Variants in ZNF804B observed in about 807,000 individuals in gnomAD.
ZNF804B encodes zinc finger 804B.
Under a neutral mutation model 101.4 loss-of-function variants are expected in ZNF804B, and 80 were observed. The observed-to-expected ratio is 0.79, with a 90% CI of 0.66 to 0.95. The LOEUF is 0.95. ZNF804B is among the 40% of genes least tolerant of loss of function. ZNF804B has a pLI of 0.00. For synonymous variants in ZNF804B, 622 were observed against 558.8 expected (o/e 1.11, Z -1.59); for missense variants, 1,673 against 1,561.9 (o/e 1.07, Z -1.20).
At chr7:89,178,728 C>T (rs1444319414) in intron 1 of ZNF804B, among the ~76,000 whole-genome samples, 3 of 152,022 alleles carry the variant, frequency 2.0e-5, no homozygotes, top group South Asian at 4.2e-4. Flanking sequence ...TTATAATATT[C>T]ATATTTTTCT....
intron 2 of ZNF804B, among the ~76,000 whole-genome samples, chr7:89,319,853 C>T (rs1045645698): frequency 6.6e-6 from 1 of 152,064 alleles, no homozygotes; most frequent in Admixed American, 6.6e-5. Flanking sequence ...TGAGTTAGCC[C>T]AACACTCGTA....
intron 1 of ZNF804B, among the ~76,000 whole-genome samples, chr7:88,893,486 A>T (rs1584001647): frequency 6.6e-6 from 1 of 152,148 alleles, no homozygotes; most frequent in Admixed American, 6.6e-5. Context: ...TTTCAAAAAA[A>T]TACTATATAT....
chr7:88,794,868 G>A, intron 1 of ZNF804B: 1 of 1,612,368 alleles, frequency 6.2e-7, no homozygotes, highest in South Asian at 1.1e-5. Context: ...TGCTACGTGG[G>A]ACTTGGAGAA....
intron 2 of ZNF804B, among the ~76,000 whole-genome samples, chr7:89,306,973 G>T (rs979918106): frequency 1.5e-4 from 23 of 151,878 alleles, no homozygotes; most frequent in Non-Finnish European, 4.4e-5. Context: ...AAATGTAATT[G>T]CTATTGCCAA....
chr7:88,885,849 T>G (rs978918521), intron 1 of ZNF804B, among the ~76,000 whole-genome samples: 6 of 151,936 alleles, frequency 3.9e-5, no homozygotes, highest in Admixed American at 2.6e-4. Flanking sequence ...TTGTGTGCAA[T>G]AAAATAATGC....
Position 89,235,379 on chromosome 7 carries a change from G to A in ZNF804B, c.249+17084G>A, listed in dbSNP as rs375057880. ...AGTCAAAAGCTAAATGGAAGTAAAC[G>A]AAAAGAGAACTTCACACGAAGTAAT... On this transcript the variant is annotated intron_variant, in intron 2 of 3. Coordinates refer to ENST00000333190, the MANE Select transcript of ZNF804B (RefSeq NM_181646.5). Among the ~76,000 whole-genome samples the A allele has an allele frequency of 2.6e-3, 396 of 152,214 alleles. 3 individuals carry two copies. Among genetic ancestry groups the A allele is most frequent in the African/African-American group, 9.2e-3 (381 of 41,546 alleles).
In ZNF804B at chr7:89,334,397, C is replaced by T. The variant is rs1791039004; in HGVS notation, c.1415C>T (p.Ser472Phe). The T allele has an allele frequency of 6.2e-7, 1 of 1,613,668 alleles. No individual in the cohort carries two copies. Among genetic ancestry groups the T allele is most frequent in the Non-Finnish European group, 8.5e-7 (1 of 1,179,846 alleles). Residue 472 changes from serine to phenylalanine, a missense_variant, in exon 4 of 4, where the codon TCT (serine) becomes TTT (phenylalanine). Ser to Phe is a radical substitution (Grantham distance 155). Coordinates refer to ENST00000333190, the MANE Select transcript of ZNF804B (RefSeq NM_181646.5). Reference protein sequence around the residue: ...LLFTKTEPCISYGCNPLYFDF... With the variant: ...LLFTKTEPCIFYGCNPLYFDF... The stretch of plus-strand genomic sequence containing the variant: ...TTTACAAAAACAGAACCCTGTATCT[C>T]TTATGGCTGCAACCCACTGTATTTT...
chr7:88,907,202 T>G (rs1792485938), intron 1 of ZNF804B, among the ~76,000 whole-genome samples: 1 of 152,062 alleles, frequency 6.6e-6, no homozygotes, highest in Non-Finnish European at 1.5e-5. Context: ...AACATAATAA[T>G]TGTTTAGAGA....
chr7:89,046,063 C>A (rs1789100398), intron 1 of ZNF804B, among the ~76,000 whole-genome samples: 1 of 152,040 alleles, frequency 6.6e-6, no homozygotes, highest in Non-Finnish European at 1.5e-5. Flanking sequence ...TACCCCCATG[C>A]TATTCCCGTG....
intron 3 of ZNF804B, among the ~76,000 whole-genome samples, chr7:89,328,043 T>C (rs1243685132): frequency 2.0e-5 from 3 of 152,008 alleles, no homozygotes; most frequent in Non-Finnish European, 4.4e-5. Context: ...ACTGGATGTT[T>C]CAAAGTTGTT....
chr7:89,065,011 C>T lies in ZNF804B; in HGVS notation c.109-153144C>T, dbSNP rs114602504. 5.7e-3 allele frequency among the ~76,000 whole-genome samples: 862 copies of T among 152,150 alleles called. 12 individuals carry two copies. The highest frequency in any genetic ancestry group is 0.02 in the African/African-American group (833 of 41,520). ...CCTTGGTGCCAGACCACAAAAGCCA[C>T]TAAAATATCACTGGAAACAGTTTGG... On this transcript the variant is annotated intron_variant, in intron 1 of 3. Coordinates refer to ENST00000333190, the MANE Select transcript of ZNF804B (RefSeq NM_181646.5).
At chr7:88,864,899 G>A (rs748782140) in intron 1 of ZNF804B, among the ~76,000 whole-genome samples, 15 of 152,120 alleles carry the variant, frequency 9.9e-5, no homozygotes, top group Non-Finnish European at 2.1e-4. Flanking sequence ...CTGCAAACTT[G>A]ATTTTCTTCT....
At chr7:89,132,015 A>T (rs1237568032) in intron 1 of ZNF804B, among the ~76,000 whole-genome samples, 1 of 152,032 alleles carries the variant, frequency 6.6e-6, no homozygotes. Flanking sequence ...TGATTATTAC[A>T]TGCATATAAC....
intron 2 of ZNF804B, among the ~76,000 whole-genome samples, chr7:89,261,890 G>C (rs568299416): frequency 6.6e-6 from 1 of 152,220 alleles, no homozygotes; most frequent in South Asian, 2.1e-4. Context: ...TTTCCATGAG[G>C]TGTGTTATTA....
intron 1 of ZNF804B, among the ~76,000 whole-genome samples, chr7:89,005,780 CCT>C (rs1487325080): frequency 6.6e-6 from 1 of 152,204 alleles, no homozygotes; most frequent in East Asian, 1.9e-4. Context: ...TTCCTTCTCA[CCT>C]CTGTCATTAC....
chr7:89,151,037 A>G (rs916140696), intron 1 of ZNF804B, among the ~76,000 whole-genome samples: 2 of 152,190 alleles, frequency 1.3e-5, no homozygotes, highest in Non-Finnish European at 2.9e-5. Flanking sequence ...TTAATAGTAC[A>G]GCTCCTATTG....
At chr7:88,918,869 C>G (rs1479387470) in intron 1 of ZNF804B, among the ~76,000 whole-genome samples, 2 of 152,018 alleles carry the variant, frequency 1.3e-5, no homozygotes, top group Non-Finnish European at 2.9e-5. Context: ...GATAAATCCT[C>G]TGACTATATT....
chr7:89,008,296 C>T (rs1788400104), intron 1 of ZNF804B, among the ~76,000 whole-genome samples: 1 of 152,028 alleles, frequency 6.6e-6, no homozygotes. Context: ...CAAACAGATT[C>T]TTGAAGTCCT....
chr7:88,968,274 A>G (rs1793485843), intron 1 of ZNF804B, among the ~76,000 whole-genome samples: 1 of 151,598 alleles, frequency 6.6e-6, no homozygotes. Flanking sequence ...ACTTTTGTCA[A>G]AGTGGCAAGG....
Sources: gnomAD v4.1 joint callset for allele counts (sites outside exome capture counted in the v4.1 genomes callset) on GRCh38, gnomAD v4.1.1 for gene constraint, MANE v1.5 for transcripts, NCBI Gene and HGNC (gene_info 2026-07-23, HGNC 2026-07-21) for gene names.